The following NBEA variants were observed in gnomAD, a reference collection of about 807,000 sequenced individuals.
NBEA encodes the protein neurobeachin.
NBEA carries 44 observed loss-of-function variants against 343.4 expected under a neutral mutation model. That is an observed-to-expected ratio of 0.13 (90% CI 0.10 to 0.16). The LOEUF (loss-of-function observed/expected upper bound fraction) is 0.16, where lower values mean the gene tolerates loss of function less well. NBEA is among the 10% of genes least tolerant of loss of function. NBEA has a pLI of 1.00. For synonymous variants in NBEA, 1,175 were observed against 1,238.7 expected (o/e 0.95, Z 1.08); for missense variants, 2,555 against 3,631.3 (o/e 0.70, Z 7.62).
intron 52 of NBEA, 79 bp from the exon 53 acceptor site, chr13:35,651,726 T>C: frequency 1.2e-6 from 1 of 832,436 alleles, no homozygotes; most frequent in Non-Finnish European, 2.0e-6. Context: ...TGTAAAATCA[T>C]CATAAAACAC....
chr13:35,441,487 T>C (rs908046864), intron 39 of NBEA, among the ~76,000 whole-genome samples: 2 of 152,178 alleles, frequency 1.3e-5, no homozygotes, highest in African/African-American at 4.8e-5. Flanking sequence ...AAAGCCTATA[T>C]GTTTGGGATA....
chr13:35,449,217 G>A (rs1396961099), intron 39 of NBEA, among the ~76,000 whole-genome samples: 1 of 152,198 alleles, frequency 6.6e-6, no homozygotes, highest in Admixed American at 6.5e-5. Flanking sequence ...GTTCTTGACT[G>A]GGAGGAGTTA....
At chr13:35,386,230 ATACT>A (rs2042236940) in intron 38 of NBEA, among the ~76,000 whole-genome samples, 1 of 152,192 alleles carries the variant, frequency 6.6e-6, no homozygotes, top group Non-Finnish European at 1.5e-5. Context: ...GTGGCAACAA[ATACT>A]TACACTTTGT....
intron 35 of NBEA, among the ~76,000 whole-genome samples, chr13:35,304,570 G>C (rs2036767399): frequency 6.6e-6 from 1 of 152,096 alleles, no homozygotes; most frequent in Non-Finnish European, 1.5e-5. Flanking sequence ...TAATTGCAGT[G>C]ATACATTTTT....
chr13:35,305,452 C>T (rs962479871), intron 35 of NBEA, among the ~76,000 whole-genome samples: 1 of 152,030 alleles, frequency 6.6e-6, no homozygotes, highest in Admixed American at 6.6e-5. Context: ...TCTTATTGAG[C>T]GCTTTTGGTG....
At chr13:35,124,821 TGG>T (rs1308550401) in intron 17 of NBEA, among the ~76,000 whole-genome samples, 1 of 150,364 alleles carries the variant, frequency 6.7e-6, no homozygotes, top group Non-Finnish European at 1.5e-5. Flanking sequence ...CACACACATA[TGG>T]ATATATATAT....
chr13:35,152,427 G>T (rs2068850276), intron 18 of NBEA, among the ~76,000 whole-genome samples: 1 of 152,100 alleles, frequency 6.6e-6, no homozygotes, highest in African/African-American at 2.4e-5. Context: ...CCCAAATACA[G>T]TGGCAGTTAG....
intron 43 of NBEA, among the ~76,000 whole-genome samples, chr13:35,552,350 C>T (rs1439602096): frequency 6.6e-6 from 1 of 152,142 alleles, no homozygotes; most frequent in African/African-American, 2.4e-5. Context: ...TTTAAGCTTA[C>T]AGTGTAAGAC....
chr13:35,316,386 C>T (rs1006612573), intron 36 of NBEA, among the ~76,000 whole-genome samples: 1 of 152,114 alleles, frequency 6.6e-6, no homozygotes, highest in African/African-American at 2.4e-5. Context: ...TGTTAGTTTG[C>T]TGAGAATGAT....
chr13:35,626,925 T>C (rs1349190976), intron 48 of NBEA, among the ~76,000 whole-genome samples: 4 of 152,080 alleles, frequency 2.6e-5, no homozygotes, highest in Non-Finnish European at 4.4e-5. Flanking sequence ...TCCACACTAA[T>C]TGGTGTAGAT....
intron 45 of NBEA, among the ~76,000 whole-genome samples, chr13:35,573,366 A>T (rs1016313439): frequency 6.6e-6 from 1 of 152,240 alleles, no homozygotes; most frequent in Non-Finnish European, 1.5e-5. Flanking sequence ...GTCATTGTTT[A>T]CCCAGTGACA....
intron 28 of NBEA, among the ~76,000 whole-genome samples, chr13:35,177,856 T>C (rs1018381921): frequency 2.6e-5 from 4 of 151,790 alleles, no homozygotes; most frequent in African/African-American, 9.7e-5. Flanking sequence ...ATTTTAAATT[T>C]ATATTTAACA....
chr13:35,362,393 C>T (rs1408110425), intron 38 of NBEA, among the ~76,000 whole-genome samples: 1 of 151,704 alleles, frequency 6.6e-6, no homozygotes, highest in Non-Finnish European at 1.5e-5. Context: ...ATTAAATTTA[C>T]CATTCTCTAA....
At chr13:35,308,010 A>G (rs1383553981) in intron 35 of NBEA, among the ~76,000 whole-genome samples, 1 of 152,000 alleles carries the variant, frequency 6.6e-6, no homozygotes, top group African/African-American at 2.4e-5. Flanking sequence ...TCCCCAAGTT[A>G]CCATATCTCT....
chr13:35,164,558 T>A, intron 24 of NBEA, 49 bp downstream of exon 24: 1 of 1,559,584 alleles, frequency 6.4e-7, no homozygotes, highest in Non-Finnish European at 8.7e-7. Context: ...AATACATGAC[T>A]TTAGCATTTC....
chr13:35,450,321 A>T (rs2046246085), intron 39 of NBEA, among the ~76,000 whole-genome samples: 2 of 152,044 alleles, frequency 1.3e-5, no homozygotes, highest in Admixed American at 6.5e-5. Flanking sequence ...AAAAAAAAAA[A>T]AATAACAATA....
rs532233466 is a variant in NBEA, at chr13:35,588,318, G to A, written c.7176+4280G>A. On this transcript the variant is annotated intron_variant, in intron 46 of 58. Transcript: ENST00000379939. ...ACTAAGTATTTATCCTTATGGTCCAGGGAATTGTAATGTCCTCACTCCCAT... is the reference window on the plus strand; with the variant it reads ...ACTAAGTATTTATCCTTATGGTCCAAGGAATTGTAATGTCCTCACTCCCAT... Among the ~76,000 whole-genome samples the A allele has an allele frequency of 2.0e-5, 3 of 152,146 alleles. No individual in the cohort carries two copies. The East Asian group carries it at 5.8e-4, about 29-fold the overall frequency.
intron 1 of NBEA, among the ~76,000 whole-genome samples, chr13:35,010,740 AAATATATATATATAT>A (rs1241474379): frequency 3.0e-4 from 10 of 33,630 alleles, no homozygotes; most frequent in African/African-American, 8.4e-4. Context: ...AAAAAAAAAA[AAATATATATATATAT>A]ATATATATAT....
chr13:35,237,022 C>T (rs150442619), intron 34 of NBEA, among the ~76,000 whole-genome samples: 4 of 152,004 alleles, frequency 2.6e-5, no homozygotes, highest in Admixed American at 1.3e-4. Flanking sequence ...TCTTGGGAGG[C>T]GAAAGCAGAT....
Sources: allele counts gnomAD v4.1 joint callset (sites outside exome capture counted in the v4.1 genomes callset), GRCh38; gene constraint gnomAD v4.1.1; transcripts MANE v1.5; gene names NCBI Gene and HGNC (gene_info 2026-07-23, HGNC 2026-07-21).